The following KSR1 variants were observed in gnomAD, a reference collection of about 807,000 sequenced individuals.
The protein encoded by KSR1 is kinase suppressor of ras 1, also known as kinase suppressor of ras.
A neutral mutation model predicts 92.9 loss-of-function variants in KSR1; 35 were observed. That is an observed-to-expected ratio of 0.38 (90% confidence interval 0.29 to 0.50). KSR1 has a LOEUF of 0.50. Among genes scored for constraint, KSR1 ranks in the 20% least tolerant of loss-of-function variants. KSR1 has a pLI of 0.94. For missense variants in KSR1, 972 were observed against 1,158.5 expected, an observed-to-expected ratio of 0.84 and a Z score of 2.34; for synonymous variants, 467 against 472.6, an observed-to-expected ratio of 0.99 and a Z score of 0.15.
At chr17:27,535,308 G>T (rs1301554135) in intron 1 of KSR1, among the ~76,000 whole-genome samples, 1 of 152,170 alleles carries the variant, frequency 6.6e-6, no homozygotes, top group Non-Finnish European at 1.5e-5. Flanking sequence ...TGCTGTGACT[G>T]AGTGTGAGGT....
intron 2 of KSR1, chr17:27,560,349 G>A (rs2071776339): frequency 2.0e-6 from 1 of 511,602 alleles, no homozygotes; most frequent in Admixed American, 2.0e-5. Flanking sequence ...GTTCTAGCTG[G>A]GAGAGGTGGG....
Position 27,503,846 on chromosome 17 carries a change from G to A in KSR1, c.232-46722G>A, listed in dbSNP as rs140245112. ...GTCCTGGTGTAAGGAGGTGCGGGTCGGAGCTCCTAGTCAACTCACGATGAA... is the reference window on the plus strand; with the variant it reads ...GTCCTGGTGTAAGGAGGTGCGGGTCAGAGCTCCTAGTCAACTCACGATGAA... On this transcript the variant is annotated intron_variant, in intron 1 of 20. Coordinates refer to ENST00000644974, the MANE Select transcript of KSR1 (RefSeq NM_001394583.1). Among the ~76,000 whole-genome samples the A allele has an allele frequency of 7.4e-3, 1,124 of 152,264 alleles. 4 individuals are homozygous for A. The highest frequency in any genetic ancestry group is 0.017 in the African/African-American group (700 of 41,542).
At chr17:27,481,033 T>C (rs2068494794) in intron 1 of KSR1, among the ~76,000 whole-genome samples, 1 of 152,272 alleles carries the variant, frequency 6.6e-6, no homozygotes, top group South Asian at 2.1e-4. Flanking sequence ...ATTGTGTCTT[T>C]AGCTTTTGTT....
chr17:27,554,409 G>A (rs1326307426), intron 2 of KSR1, among the ~76,000 whole-genome samples: 5 of 152,198 alleles, frequency 3.3e-5, no homozygotes, highest in African/African-American at 1.2e-4. Flanking sequence ...CAGGAGGAAC[G>A]TGTTTACAGT....
intron 1 of KSR1, among the ~76,000 whole-genome samples, chr17:27,507,451 A>T (rs796253373): frequency 3.3e-4 from 48 of 144,320 alleles, no homozygotes; most frequent in African/African-American, 1.1e-3. Context: ...AAATATATAT[A>T]TTTTTAATGT....
chr17:27,610,413 G>C (rs1055796283), intron 17 of KSR1, among the ~76,000 whole-genome samples: 1 of 152,206 alleles, frequency 6.6e-6, no homozygotes, highest in Non-Finnish European at 1.5e-5. Flanking sequence ...CCTTGACCTG[G>C]AATAGCTCCT....
Position 27,456,629 on chromosome 17 carries a change from C to T in KSR1, c.-15C>T. 3 of 507,054 alleles carry T rather than the reference C, an allele frequency of 5.9e-6. No individual in the cohort carries two copies. Among genetic ancestry groups the T allele is most frequent in the Non-Finnish European group, 1.0e-5 (3 of 294,404 alleles). 31.4% of individuals were successfully genotyped at this position (507,054 alleles called of 1,614,324 possible). On this transcript the variant is annotated 5_prime_UTR_variant, in exon 1 of 21. Coordinates refer to ENST00000644974, the MANE Select transcript of KSR1 (RefSeq NM_001394583.1). ...GGGCTCCCAGCCTCGGCCGCCGCGG[C>T]CCCGATGCCGAGGCATGGATAGAGC...
intron 17 of KSR1, chr17:27,611,231 T>G: frequency 2.2e-6 from 1 of 447,436 alleles, no homozygotes; most frequent in Non-Finnish European, 4.0e-6. Context: ...AGAGCTGGAT[T>G]TGTGCTGAGG....
intron 2 of KSR1, among the ~76,000 whole-genome samples, chr17:27,565,964 G>T (rs1018044178): frequency 9.9e-5 from 15 of 151,998 alleles, no homozygotes; most frequent in Non-Finnish European, 1.8e-4. Context: ...TTTGAAGGTT[G>T]TCCCATGAGC....
In KSR1 at chr17:27,459,551, G is replaced by A. The variant is rs1245005093; in HGVS notation, c.231+2677G>A. On this transcript the variant is annotated intron_variant, in intron 1 of 20. Coordinates refer to ENST00000644974, the MANE Select transcript of KSR1 (RefSeq NM_001394583.1). This position sits in a 1 kb window ranked among gnomAD's most constrained non-coding sequence, Gnocchi z 4.6. ...GGCAAGTGGCAGTGTCCACTCCAGC[G>A]TTCTTTCCTGTTCTGTGGGCTCCCC... Among the ~76,000 whole-genome samples, 3 of 152,252 alleles carry A rather than the reference G, an allele frequency of 2.0e-5. No individual in the cohort carries two copies. The highest frequency in any genetic ancestry group is 2.9e-5 in the Non-Finnish European group (2 of 68,038).
At chr17:27,554,781 T>C (rs1397091614) in intron 2 of KSR1, among the ~76,000 whole-genome samples, 1 of 152,244 alleles carries the variant, frequency 6.6e-6, no homozygotes, top group East Asian at 1.9e-4. Flanking sequence ...TTATCTTCCA[T>C]GAAACCAGTT....
At chr17:27,566,872 T>C (rs1030261137) in intron 2 of KSR1, among the ~76,000 whole-genome samples, 4 of 152,224 alleles carry the variant, frequency 2.6e-5, no homozygotes, top group African/African-American at 9.6e-5. Context: ...GCTGCTTTTT[T>C]ACAGGGAGCT....
intron 19 of KSR1, 32 bp downstream of exon 19, chr17:27,617,460 G>GC (rs1310510057): frequency 6.3e-7 from 1 of 1,587,674 alleles, no homozygotes; most frequent in South Asian, 1.1e-5. Context: ...CAGACTGCCA[G>GC]CCAGGCCCTC....
In KSR1 at chr17:27,609,392, G is replaced by T. The variant is rs554856583; in HGVS notation, c.2225+63G>T. 1.3e-5 allele frequency: 21 copies of T among 1,594,206 alleles called. No homozygotes were observed. In the Admixed American group the frequency reaches 2.9e-4, roughly 22 times the overall value. On this transcript the variant is annotated intron_variant, in intron 16 of 20. Transcript: ENST00000644974. Reference sequence around the variant, plus strand: ...CTGGATGGGGAAGAGCAGGGCTGAGGTCTGGGCACTTTCACTGTTTGTTGC... The same window carrying T: ...CTGGATGGGGAAGAGCAGGGCTGAGTTCTGGGCACTTTCACTGTTTGTTGC...
intron 18 of KSR1, among the ~76,000 whole-genome samples, chr17:27,616,889 G>C (rs1010857922): frequency 6.6e-6 from 1 of 152,202 alleles, no homozygotes; most frequent in South Asian, 2.1e-4. Flanking sequence ...TAATGCTGAG[G>C]CTCCCTCGTC....
At position 27,496,658 on chromosome 17, in the gene KSR1, G is replaced by A. The variant is rs932076391; in HGVS notation, c.231+39784G>A. The stretch of plus-strand genomic sequence containing the variant: ...AAATTTGCATGTGCCATGGTAACCA[G>A]CAAGGGGATCCTGGGGGATCTCAGG... On this transcript the variant is annotated intron_variant, in intron 1 of 20. Transcript: ENST00000644974. 1.6e-4 allele frequency among the ~76,000 whole-genome samples: 25 copies of A among 152,216 alleles called. 1 individual carries two copies. The highest frequency in any genetic ancestry group is 5.8e-4 in the African/African-American group (24 of 41,452).
intron 18 of KSR1, among the ~76,000 whole-genome samples, chr17:27,614,805 C>T (rs1162583668): frequency 2.0e-5 from 3 of 152,162 alleles, no homozygotes; most frequent in African/African-American, 2.4e-5. Flanking sequence ...GCAGATGCTC[C>T]GGCAGCAGCT....
At chr17:27,580,362 A>C (rs1052897202) in intron 3 of KSR1, among the ~76,000 whole-genome samples, 13 of 152,140 alleles carry the variant, frequency 8.5e-5, no homozygotes, top group Admixed American at 4.6e-4. Flanking sequence ...TCGGTTCCTG[A>C]ATAGAAAGTC....
chr17:27,510,118 G>C (rs1016925928), intron 1 of KSR1, among the ~76,000 whole-genome samples: 3 of 152,244 alleles, frequency 2.0e-5, no homozygotes, highest in African/African-American at 7.2e-5. Flanking sequence ...CTGCCTCAAA[G>C]CTTGCTGCAC....
Sources: gnomAD v4.1 joint callset for allele counts (sites outside exome capture counted in the v4.1 genomes callset) on GRCh38, gnomAD v4.1.1 for gene constraint, Gnocchi (gnomAD v3.1) non-coding constraint, MANE v1.5 for transcripts, NCBI Gene and HGNC (gene_info 2026-07-23, HGNC 2026-07-21) for gene names.